The following ARHGAP29 variants were observed in gnomAD, a reference collection of about 807,000 sequenced individuals.
The protein encoded by ARHGAP29 is Rho GTPase activating protein 29.
ARHGAP29 carries 43 observed loss-of-function variants against 122.6 expected under a neutral mutation model. The observed-to-expected ratio is 0.35, with a 90% confidence interval of 0.27 to 0.45. ARHGAP29 has a LOEUF of 0.45. Among genes scored for constraint, ARHGAP29 ranks in the 20% least tolerant of loss-of-function variants. ARHGAP29 has a pLI of 1.00. For missense variants in ARHGAP29, 1,303 were observed against 1,477.2 expected (o/e 0.88, Z 1.93); for synonymous variants, 506 against 497.1 (o/e 1.02, Z -0.24).
At chr1:94,284,086 GAA>G in the ARHGAP29 span, among the ~76,000 whole-genome samples, 47,913 of 144,080 alleles carry the variant, frequency 0.33, 8,204 homozygotes, top group South Asian at 0.42. Context: ...GCAGAAATGG[GAA>G]AAAAAAAAAA....
At chr1:94,217,867 A>T (rs1274613082) in intron 3 of ARHGAP29, among the ~76,000 whole-genome samples, 1 of 152,076 alleles carries the variant, frequency 6.6e-6, no homozygotes, top group East Asian at 1.9e-4. Flanking sequence ...AAACAAAAAA[A>T]AAAAAACTGA....
At chr1:94,205,970 A>T (rs1264406573) in intron 5 of ARHGAP29, among the ~76,000 whole-genome samples, 1 of 152,232 alleles carries the variant, frequency 6.6e-6, no homozygotes, top group African/African-American at 2.4e-5. Context: ...AATTTTGCAG[A>T]TAACAAAAAT....
At chr1:94,299,588 G>T in the ARHGAP29 span, among the ~76,000 whole-genome samples, 1 of 151,982 alleles carries the variant, frequency 6.6e-6, no homozygotes, top group Non-Finnish European at 1.5e-5. Flanking sequence ...TCGGTGGTGG[G>T]GGGGAACAGA....
intron 1 of ARHGAP29, chr1:94,247,755 G>A (rs1269568718): frequency 1.7e-6 from 1 of 577,578 alleles, no homozygotes; most frequent in East Asian, 1.4e-4. Flanking sequence ...CTACCGCCAC[G>A]GCTGCGCCGG....
chr1:94,217,775 G>A (rs72727435), intron 3 of ARHGAP29, among the ~76,000 whole-genome samples: 18 of 151,960 alleles, frequency 1.2e-4, no homozygotes, highest in African/African-American at 2.9e-4. Context: ...CTTGCGTTCC[G>A]GAGTTTAAGA....
intron 5 of ARHGAP29, among the ~76,000 whole-genome samples, chr1:94,206,386 T>C (rs1015416455): frequency 2.0e-5 from 3 of 152,174 alleles, no homozygotes; most frequent in African/African-American, 7.2e-5. Context: ...CAATACAGGG[T>C]ATACAGGGAT....
chr1:94,211,490 A>G (rs1378497398), intron 3 of ARHGAP29, among the ~76,000 whole-genome samples: 1 of 152,064 alleles, frequency 6.6e-6, no homozygotes, highest in East Asian at 1.9e-4. Flanking sequence ...TGAGAACAAC[A>G]CTATCTACCA....
chr1:94,198,246 TG>T (rs2101481909), intron 12 of ARHGAP29, among the ~76,000 whole-genome samples: 1 of 152,164 alleles, frequency 6.6e-6, no homozygotes, highest in Admixed American at 6.5e-5. Context: ...GGGGCCAAGG[TG>T]GGTGGATTCC....
At chr1:94,191,706 G>T (rs1650141543) in intron 12 of ARHGAP29, 3 of 152,174 alleles carry the variant, frequency 2.0e-5, no homozygotes, top group Non-Finnish European at 4.4e-5. Context: ...ATGTGCAAAT[G>T]AATCACCTTG....
chr1:94,179,126 T>C (rs1485378938), intron 20 of ARHGAP29, among the ~76,000 whole-genome samples: 1 of 152,176 alleles, frequency 6.6e-6, no homozygotes, highest in East Asian at 1.9e-4. Context: ...TGAAACCCTA[T>C]GTTTTCATCC....
At chr1:94,308,673 G>A in the ARHGAP29 span, among the ~76,000 whole-genome samples, 1 of 152,268 alleles carries the variant, frequency 6.6e-6, no homozygotes, top group Admixed American at 6.5e-5. Context: ...TCCAGCCACT[G>A]CGCCAGGATC....
intron 3 of ARHGAP29, among the ~76,000 whole-genome samples, chr1:94,210,199 A>T (rs1570544889): frequency 1.3e-5 from 2 of 152,320 alleles, no homozygotes; most frequent in East Asian, 3.9e-4. Flanking sequence ...CTGGTTCCCT[A>T]TATGACCCCT....
chr1:94,186,361 T>C lies in ARHGAP29; in HGVS notation c.1780+138A>G, dbSNP rs1649801117. 1.1e-5 allele frequency: 6 copies of C among 547,688 alleles called. No individual in the cohort carries two copies. In the South Asian group the frequency reaches 1.2e-4, roughly 11 times the overall value. 33.9% of individuals were successfully genotyped at this position (547,688 alleles called of 1,614,324 possible). A position where few individuals can be genotyped will look rare whatever the true frequency, so the allele number is the denominator to read the frequency against. Reference sequence around the variant, plus strand: ...ATACTTATATATAATTGTTGGGATATATTTAAGTCATGGTGAATTTTTTTT... The same window carrying C: ...ATACTTATATATAATTGTTGGGATACATTTAAGTCATGGTGAATTTTTTTT... On this transcript the variant is annotated intron_variant, in intron 16 of 22. Transcript: ENST00000260526.
In ARHGAP29 at chr1:94,218,591, C is replaced by T. The variant is rs1030587667; in HGVS notation, c.340+1667G>A. 3.9e-5 allele frequency among the ~76,000 whole-genome samples: 6 copies of T among 152,132 alleles called. No individual in the cohort carries two copies. In the East Asian group the frequency reaches 9.6e-4, roughly 24 times the overall value. The stretch of plus-strand genomic sequence containing the variant: ...ATGGAAATTTTACTATCTATAGACA[C>T]AAATTTCCCTATCTAAGTAAAGTTA... On this transcript the variant is annotated intron_variant, in intron 3 of 22. Coordinates refer to ENST00000260526, the MANE Select transcript of ARHGAP29 (RefSeq NM_004815.4).
the ARHGAP29 span, among the ~76,000 whole-genome samples, chr1:94,288,654 C>T: frequency 1.3e-5 from 2 of 152,046 alleles, no homozygotes; most frequent in African/African-American, 4.8e-5. Flanking sequence ...GTCTTTAATC[C>T]ATCTTGAGTT....
At chr1:94,296,975 A>G in the ARHGAP29 span, among the ~76,000 whole-genome samples, 1 of 152,216 alleles carries the variant, frequency 6.6e-6, no homozygotes, top group Non-Finnish European at 1.5e-5. Flanking sequence ...CTGTGAAGAC[A>G]TCTATTGAGA....
chr1:94,172,320 G>C lies in ARHGAP29; in HGVS notation c.*1549C>G, dbSNP rs1204415257. 6.6e-6 allele frequency: 1 copy of C among 151,864 alleles called. No homozygotes were observed. The highest frequency in any genetic ancestry group is 1.5e-5 in the Non-Finnish European group (1 of 67,974). 9.4% of individuals were successfully genotyped at this position (151,864 alleles called of 1,614,324 possible). On this transcript the variant is annotated 3_prime_UTR_variant, in exon 23 of 23. Transcript: ENST00000260526. ...ACACAGAGAAGGCTCAATACACATG[G>C]GCTCTAATTTTCTTTTTAGGTATTC...
At chr1:94,234,821 G>C (rs1445831545) in intron 1 of ARHGAP29, among the ~76,000 whole-genome samples, 1 of 152,098 alleles carries the variant, frequency 6.6e-6, no homozygotes, top group Non-Finnish European at 1.5e-5. Flanking sequence ...ACGTCATTCT[G>C]TTTAGTTATG....
intron 1 of ARHGAP29, among the ~76,000 whole-genome samples, chr1:94,269,157 A>C (rs976358559): frequency 1.3e-5 from 2 of 152,100 alleles, no homozygotes; most frequent in African/African-American, 4.8e-5. Context: ...ACCTAAATTA[A>C]ACTTGTTAGT....
Sources: gnomAD v4.1 joint callset for allele counts (sites outside exome capture counted in the v4.1 genomes callset) on GRCh38, gnomAD v4.1.1 for gene constraint, MANE v1.5 for transcripts, NCBI Gene and HGNC (gene_info 2026-07-23, HGNC 2026-07-21) for gene names.